SNTG1: variants seen among roughly 807,000 people sequenced by gnomAD.
SNTG1 encodes gamma-1-syntrophin.
Under a neutral mutation model 74.7 loss-of-function variants are expected in SNTG1, and 39 were observed. That is an observed-to-expected ratio of 0.52 (90% CI 0.40 to 0.68). The LOEUF (loss-of-function observed/expected upper bound fraction) is 0.68. Among genes scored for constraint, SNTG1 ranks in the 30% least tolerant of loss-of-function variants. SNTG1 has a pLI of 0.00. For missense variants in SNTG1, 685 were observed against 609.5 expected (o/e 1.12, Z -1.30); for synonymous variants, 254 against 217.1 (o/e 1.17, Z -1.49).
At chr8:50,034,201 G>A (rs149870775) in intron 1 of SNTG1, among the ~76,000 whole-genome samples, 2 of 152,088 alleles carry the variant, frequency 1.3e-5, no homozygotes, top group Non-Finnish European at 2.9e-5. Flanking sequence ...AATAAATTCA[G>A]CAATTGGATC....
chr8:50,230,111 A>AAAATGCTGTACATTTTCTCT (rs1458558824), intron 2 of SNTG1, among the ~76,000 whole-genome samples: 46 of 151,640 alleles, frequency 3.0e-4, no homozygotes, highest in African/African-American at 1.1e-3. Flanking sequence ...CAGCATTAAC[A>AAAATGCTGTACATTTTCTCT]ACAAAATTAG....
chr8:50,246,667 T>C (rs1330466851), intron 2 of SNTG1, among the ~76,000 whole-genome samples: 1 of 152,162 alleles, frequency 6.6e-6, no homozygotes, highest in Admixed American at 6.6e-5. Context: ...AGAAGGGCTC[T>C]TTGGTGAAGC....
intron 8 of SNTG1, among the ~76,000 whole-genome samples, chr8:50,453,549 C>T (rs990286729): frequency 6.6e-6 from 1 of 152,184 alleles, no homozygotes. Context: ...AGCTCAACCA[C>T]TTACAAACAT....
chr8:50,101,184 G>T (rs77608782), intron 1 of SNTG1, among the ~76,000 whole-genome samples: 1 of 151,858 alleles, frequency 6.6e-6, no homozygotes, highest in African/African-American at 2.4e-5. Context: ...TCCATCATTG[G>T]TGGGCATCTA....
chr8:50,056,995 A>G (rs1820080241), intron 1 of SNTG1, among the ~76,000 whole-genome samples: 1 of 152,158 alleles, frequency 6.6e-6, no homozygotes, highest in African/African-American at 2.4e-5. Context: ...TATTATATCA[A>G]ACCTAAGTAT....
At chr8:49,939,585 G>A (rs1808495024) in intron 1 of SNTG1, among the ~76,000 whole-genome samples, 1 of 152,150 alleles carries the variant, frequency 6.6e-6, no homozygotes, top group South Asian at 2.1e-4. Context: ...TACAGGTTTA[G>A]GCCACCGTGC....
At chr8:50,307,457 CA>C (rs1016328606) in intron 2 of SNTG1, among the ~76,000 whole-genome samples, 2 of 151,724 alleles carry the variant, frequency 1.3e-5, no homozygotes, top group South Asian at 2.1e-4. Context: ...TTTTTTATTT[CA>C]AAAAAATTTC....
chr8:50,488,224 T>A (rs1483491448), intron 8 of SNTG1, among the ~76,000 whole-genome samples: 1 of 152,188 alleles, frequency 6.6e-6, no homozygotes, highest in African/African-American at 2.4e-5. Context: ...AAAATAGGTT[T>A]TTTTTAAGAA....
intron 15 of SNTG1, among the ~76,000 whole-genome samples, chr8:50,690,924 G>T (rs574735578): frequency 6.6e-6 from 1 of 152,292 alleles, no homozygotes; most frequent in Non-Finnish European, 1.5e-5. Flanking sequence ...TTATGAATCT[G>T]GGTGCTCCTG....
In SNTG1 at chr8:50,119,325, C is replaced by A. The variant is rs1230208128; in HGVS notation, c.-102-53236C>A. On this transcript the variant is annotated intron_variant, in intron 1 of 18. Coordinates refer to ENST00000642720, the MANE Select transcript of SNTG1 (RefSeq NM_018967.5). ...CAGGAACACACTCTGGTTGACATGGCCGGGAAATGGCCTCCTTGGATTAAT... is the reference window on the plus strand; with the variant it reads ...CAGGAACACACTCTGGTTGACATGGACGGGAAATGGCCTCCTTGGATTAAT... 1.4e-5 allele frequency among the ~76,000 whole-genome samples: 2 copies of A among 139,534 alleles called. 1 individual carries two copies. Among genetic ancestry groups the A allele is most frequent in the Non-Finnish European group, 3.2e-5 (2 of 62,974 alleles). The allele number at this position is 139,534 out of a possible 152,430, so 91.5% of individuals were successfully genotyped here. A position where few individuals can be genotyped will look rare whatever the true frequency, so the allele number is the denominator to read the frequency against.
intron 17 of SNTG1, among the ~76,000 whole-genome samples, chr8:50,747,500 T>G (rs1585698967): frequency 1.3e-5 from 2 of 152,144 alleles, no homozygotes; most frequent in South Asian, 4.1e-4. Flanking sequence ...AGAACACATA[T>G]AAAGTAAACT....
intron 17 of SNTG1, among the ~76,000 whole-genome samples, chr8:50,712,771 T>C (rs1159924534): frequency 1.3e-5 from 2 of 152,168 alleles, no homozygotes; most frequent in Non-Finnish European, 2.9e-5. Flanking sequence ...TTTCTGTTCC[T>C]GTCTTAGTTT....
chr8:50,326,632 C>A (rs2090761317), intron 2 of SNTG1, among the ~76,000 whole-genome samples: 1 of 149,126 alleles, frequency 6.7e-6, no homozygotes, highest in South Asian at 2.1e-4. Context: ...TTTTATTGAT[C>A]TTTTCCAAGA....
rs187921935 is a variant in SNTG1, at chr8:50,124,462, T to C, written c.-102-48099T>C. ...GAATCATTGTTCAGAAATTTTTTAA[T>C]AGACTGTGTAAAATAGTATTTGTCT... On this transcript the variant is annotated intron_variant, in intron 1 of 18. Coordinates refer to ENST00000642720, the MANE Select transcript of SNTG1 (RefSeq NM_018967.5). Among the ~76,000 whole-genome samples the C allele has an allele frequency of 1.4e-5, 2 of 142,714 alleles. 1 individual carries two copies. Among genetic ancestry groups the C allele is most frequent in the Non-Finnish European group, 3.1e-5 (2 of 63,958 alleles). 93.6% of individuals were successfully genotyped at this position (142,714 alleles called of 152,430 possible).
chr8:50,758,658 G>A (rs1041903964), intron 18 of SNTG1, among the ~76,000 whole-genome samples: 1 of 151,842 alleles, frequency 6.6e-6, no homozygotes. Flanking sequence ...GAACTCATCC[G>A]TTTTTATGGC....
At chr8:50,225,784 T>C (rs974370370) in intron 2 of SNTG1, among the ~76,000 whole-genome samples, 1 of 152,224 alleles carries the variant, frequency 6.6e-6, no homozygotes, top group African/African-American at 2.4e-5. Flanking sequence ...TGCCAATTCA[T>C]GAATGGAATA....
intron 8 of SNTG1, among the ~76,000 whole-genome samples, chr8:50,487,976 T>A (rs1045323920): frequency 6.6e-6 from 1 of 152,220 alleles, no homozygotes; most frequent in Non-Finnish European, 1.5e-5. Flanking sequence ...CTGAGTTAAT[T>A]TAAACTATGC....
intron 16 of SNTG1, among the ~76,000 whole-genome samples, chr8:50,705,836 C>T (rs2095441689): frequency 6.6e-6 from 1 of 152,180 alleles, no homozygotes; most frequent in South Asian, 2.1e-4. Flanking sequence ...AAAGTTGGTC[C>T]TGTGGCTGAC....
At chr8:50,190,108 A>G (rs1201693491) in intron 2 of SNTG1, among the ~76,000 whole-genome samples, 2 of 152,128 alleles carry the variant, frequency 1.3e-5, no homozygotes, top group Non-Finnish European at 2.9e-5. Context: ...GCTATATACT[A>G]GGTTATCTAC....
Sources: allele counts gnomAD v4.1 joint callset (sites outside exome capture counted in the v4.1 genomes callset), GRCh38; gene constraint gnomAD v4.1.1; transcripts MANE v1.5; gene names NCBI Gene and HGNC (gene_info 2026-07-23, HGNC 2026-07-21).